The following NEGR1 variants were observed in gnomAD, a reference collection of about 807,000 sequenced individuals.
The protein encoded by NEGR1 is IgLON family member 4.
In NEGR1, 10 loss-of-function variants were observed where a neutral mutation model predicts 40.9. The ratio of observed to expected loss-of-function variants is 0.24; its 90% CI spans 0.15 to 0.42. The LOEUF (loss-of-function observed/expected upper bound fraction) is 0.42. Ranked by LOEUF, NEGR1 falls within the 10% of genes least tolerant of loss-of-function variation. NEGR1 has a pLI of 1.00. For synonymous variants in NEGR1, 185 were observed against 166.8 expected (o/e 1.11, Z -0.84); for missense variants, 352 against 438.9 (o/e 0.80, Z 1.77).
At chr1:71,906,596 A>T (rs1296285900) in intron 2 of NEGR1, among the ~76,000 whole-genome samples, 1 of 152,016 alleles carries the variant, frequency 6.6e-6, no homozygotes, top group East Asian at 1.9e-4. Context: ...GAGTCATTTC[A>T]TCTGTGAATA....
At chr1:71,994,202 A>T (rs1646481710) in intron 1 of NEGR1, among the ~76,000 whole-genome samples, 1 of 152,168 alleles carries the variant, frequency 6.6e-6, no homozygotes, top group Non-Finnish European at 1.5e-5. Context: ...TTATGAGCCT[A>T]AAGGTGATAA....
rs545840272 is a variant in NEGR1, at chr1:71,784,332, C to G, written c.410-8035G>C. Among the ~76,000 whole-genome samples, 3 of 151,890 alleles carry G rather than the reference C, an allele frequency of 2.0e-5. No homozygotes were observed. In the East Asian group the frequency reaches 5.8e-4, roughly 29 times the overall value. On this transcript the variant is annotated intron_variant, in intron 2 of 6. Transcript: ENST00000357731. ...CTCTCCTATATTTAAAATCTGCACT[C>G]TAAGTAGAAAGGCTTTTTTTTTTTT...
intron 6 of NEGR1, among the ~76,000 whole-genome samples, chr1:71,462,029 T>A (rs1051244294): frequency 7.9e-5 from 12 of 152,176 alleles, no homozygotes; most frequent in African/African-American, 2.7e-4. Context: ...AATTACTAAA[T>A]CATACATGTA....
chr1:72,042,539 C>A (rs1474822357), intron 1 of NEGR1, among the ~76,000 whole-genome samples: 2 of 151,944 alleles, frequency 1.3e-5, no homozygotes, highest in African/African-American at 4.8e-5. Context: ...ATCACGATAG[C>A]ACAAATAAAA....
intron 4 of NEGR1, among the ~76,000 whole-genome samples, chr1:71,674,744 A>G (rs1387352796): frequency 6.6e-6 from 1 of 152,098 alleles, no homozygotes; most frequent in Non-Finnish European, 1.5e-5. Flanking sequence ...TTTCTATCAC[A>G]TTCTTTGATG....
intron 1 of NEGR1, among the ~76,000 whole-genome samples, chr1:72,086,210 C>G (rs1412343621): frequency 6.6e-6 from 1 of 152,122 alleles, no homozygotes; most frequent in African/African-American, 2.4e-5. Context: ...TGACACTAAT[C>G]ATGACTCATT....
At chr1:71,931,973 G>GTT (rs1481555377) in intron 2 of NEGR1, among the ~76,000 whole-genome samples, 3 of 152,062 alleles carry the variant, frequency 2.0e-5, no homozygotes, top group African/African-American at 7.2e-5. Context: ...TCAAAACCAT[G>GTT]TTATATATAG....
chr1:72,282,396 C>A lies in NEGR1; in HGVS notation c.99G>T (p.Pro33=), dbSNP rs202188377. The change falls in exon 1 of 7, where the codon CCG becomes CCT. Residue 33 remains proline, a synonymous_variant. Coordinates refer to ENST00000357731, the MANE Select transcript of NEGR1 (RefSeq NM_173808.3). ...AGGGGAAGTCCACACTCTGTCCAGC[C>A]GGGAGGCAGGAGGGTAGCAGGCAGC... The part of the protein sequence containing the change: ...SLCCLLPSCL[P]AGQSVDFPWA... 1 of 1,613,970 alleles carries A rather than the reference C, an allele frequency of 6.2e-7. No individual in the cohort carries two copies. Among genetic ancestry groups the A allele is most frequent in the East Asian group, 2.2e-5 (1 of 44,816 alleles).
intron 1 of NEGR1, among the ~76,000 whole-genome samples, chr1:72,032,397 C>G (rs1646866094): frequency 1.3e-5 from 2 of 152,296 alleles, no homozygotes; most frequent in East Asian, 1.9e-4. Flanking sequence ...TAAAATTACA[C>G]TTGAGCTGTC....
chr1:72,263,162 AAT>A (rs1170000957), intron 1 of NEGR1, among the ~76,000 whole-genome samples: 9 of 151,632 alleles, frequency 5.9e-5, no homozygotes, highest in African/African-American at 1.7e-4. Context: ...TATTATTAAA[AAT>A]AGTTATTTTT....
intron 1 of NEGR1, among the ~76,000 whole-genome samples, chr1:72,255,208 G>A (rs1472403684): frequency 3.3e-5 from 5 of 152,096 alleles, no homozygotes; most frequent in Non-Finnish European, 7.4e-5. Context: ...CTCTTTGTGT[G>A]TTAATCTATT....
chr1:71,799,031 C>G (rs1297050125), intron 2 of NEGR1, among the ~76,000 whole-genome samples: 1 of 150,636 alleles, frequency 6.6e-6, no homozygotes, highest in Non-Finnish European at 1.5e-5. Flanking sequence ...GGGAAAAGAT[C>G]TTGTATTGAA....
rs531311536 is a variant in NEGR1 at position 72,248,466 on chromosome 1, C to T, written c.176+33853G>A. On this transcript the variant is annotated intron_variant, in intron 1 of 6. Coordinates refer to ENST00000357731, the MANE Select transcript of NEGR1 (RefSeq NM_173808.3). ...ATAGATGGGGTTTCGCCATGTTGGC[C>T]AGGCTGGTCCCGATCTCCTGACCTC... 1.8e-3 allele frequency among the ~76,000 whole-genome samples: 273 copies of T among 151,952 alleles called. 3 individuals are homozygous for T. Among genetic ancestry groups the T allele is most frequent in the African/African-American group, 6.4e-3 (267 of 41,470 alleles).
intron 1 of NEGR1, among the ~76,000 whole-genome samples, chr1:72,085,831 G>A (rs530518828): frequency 6.6e-6 from 1 of 151,922 alleles, no homozygotes; most frequent in South Asian, 2.1e-4. Context: ...TTAGCTGGGA[G>A]TGGTGGTGTG....
At chr1:72,061,452 A>AT (rs1647170836) in intron 1 of NEGR1, among the ~76,000 whole-genome samples, 1 of 151,772 alleles carries the variant, frequency 6.6e-6, no homozygotes, top group African/African-American at 2.4e-5. Flanking sequence ...GAATCATTAC[A>AT]TTTTCTGATA....
intron 4 of NEGR1, among the ~76,000 whole-genome samples, chr1:71,669,451 T>C (rs1652345157): frequency 6.6e-6 from 1 of 152,172 alleles, no homozygotes; most frequent in Non-Finnish European, 1.5e-5. Flanking sequence ...TATTATATTA[T>C]TCTTTCTCAA....
At chr1:72,206,578 A>AT (rs5775110) in intron 1 of NEGR1, among the ~76,000 whole-genome samples, 1 of 151,640 alleles carries the variant, frequency 6.6e-6, no homozygotes. Context: ...CTATAAGGTG[A>AT]TTTTTTTCAG....
intron 1 of NEGR1, among the ~76,000 whole-genome samples, chr1:71,948,278 T>C (rs1179129600): frequency 6.6e-6 from 1 of 152,104 alleles, no homozygotes; most frequent in Non-Finnish European, 1.5e-5. Flanking sequence ...TGGGCTTGAA[T>C]ATCGTTTGTA....
intron 1 of NEGR1, among the ~76,000 whole-genome samples, chr1:71,942,425 C>G (rs1335798230): frequency 9.9e-6 from 1 of 100,728 alleles, no homozygotes; most frequent in Non-Finnish European, 1.9e-5. Context: ...TTTAGTTTTA[C>G]TTTAATGCAC....
Sources: gnomAD v4.1 joint callset for allele counts (sites outside exome capture counted in the v4.1 genomes callset) on GRCh38, gnomAD v4.1.1 for gene constraint, MANE v1.5 for transcripts, NCBI Gene and HGNC (gene_info 2026-07-23, HGNC 2026-07-21) for gene names.